MDGA2: variants seen among roughly 807,000 people sequenced by gnomAD.
The protein encoded by MDGA2 is MAM domain containing glycosylphosphatidylinositol anchor 2.
A neutral mutation model predicts 117.8 loss-of-function variants in MDGA2; 40 were observed. The observed-to-expected ratio is 0.34, with a 90% CI of 0.26 to 0.44. MDGA2 has a LOEUF of 0.44. Ranked by LOEUF, MDGA2 falls within the 20% of genes least tolerant of loss-of-function variation. The pLI, the probability that MDGA2 is intolerant of heterozygous loss-of-function variation, is 1.00. For synonymous variants in MDGA2, 452 were observed against 439.0 expected (o/e 1.03, Z -0.37); for missense variants, 1,123 against 1,250.6 (o/e 0.90, Z 1.54).
chr14:47,497,626 T>C (rs1040456216), intron 1 of MDGA2, among the ~76,000 whole-genome samples: 2 of 152,154 alleles, frequency 1.3e-5, no homozygotes, highest in African/African-American at 4.8e-5. Flanking sequence ...ATTGGTTTGG[T>C]GAGAGATCCT....
At chr14:47,540,563 T>TATATATATATACACAC (rs370481455) in intron 1 of MDGA2, among the ~76,000 whole-genome samples, 23 of 112,524 alleles carry the variant, frequency 2.0e-4, no homozygotes, top group East Asian at 1.8e-3. Flanking sequence ...TGTATATATA[T>TATATATATATACACAC]ACACACACAC....
chr14:47,338,060 C>A (rs531032376), intron 1 of MDGA2, among the ~76,000 whole-genome samples: 3 of 152,054 alleles, frequency 2.0e-5, no homozygotes, highest in Non-Finnish European at 4.4e-5. Flanking sequence ...CGATTTTGTT[C>A]TGAAAGTATC....
chr14:47,547,475 G>A (rs1175430228), intron 1 of MDGA2, among the ~76,000 whole-genome samples: 2 of 152,096 alleles, frequency 1.3e-5, no homozygotes, highest in Non-Finnish European at 2.9e-5. Context: ...GGTTTTATGT[G>A]TTTCCATCCA....
chr14:47,072,119 CA>C (rs1890313341), intron 6 of MDGA2, among the ~76,000 whole-genome samples: 2 of 112,298 alleles, frequency 1.8e-5, no homozygotes, highest in South Asian at 6.0e-4. Flanking sequence ...GGGGGGTTTG[CA>C]GGTATTATAT....
chr14:47,626,764 G>C (rs1897151615), intron 1 of MDGA2, among the ~76,000 whole-genome samples: 1 of 152,168 alleles, frequency 6.6e-6, no homozygotes, highest in South Asian at 2.1e-4. Context: ...GCAGGGCTCG[G>C]GACCTGCAGC....
intron 1 of MDGA2, among the ~76,000 whole-genome samples, chr14:47,307,770 C>T (rs1889503066): frequency 6.6e-6 from 1 of 151,934 alleles, no homozygotes; most frequent in South Asian, 2.1e-4. Flanking sequence ...ATGGTGAGTT[C>T]ACCAATAGTT....
intron 1 of MDGA2, among the ~76,000 whole-genome samples, chr14:47,361,598 A>G (rs926896167): frequency 2.0e-5 from 3 of 152,000 alleles, no homozygotes; most frequent in African/African-American, 7.3e-5. Flanking sequence ...CTTCTCCCCT[A>G]TGCCTTCAGA....
chr14:46,904,189 A>G (rs1324726479), intron 10 of MDGA2, among the ~76,000 whole-genome samples: 1 of 151,710 alleles, frequency 6.6e-6, no homozygotes, highest in Non-Finnish European at 1.5e-5. Context: ...CATGGTGAAA[A>G]CCCATCTCTA....
chr14:47,210,209 A>G (rs1353967822), intron 3 of MDGA2, among the ~76,000 whole-genome samples: 1 of 152,192 alleles, frequency 6.6e-6, no homozygotes, highest in Non-Finnish European at 1.5e-5. Flanking sequence ...TTCTGAACAT[A>G]ATGAAATGCA....
intron 1 of MDGA2, among the ~76,000 whole-genome samples, chr14:47,328,597 G>A (rs1469003764): frequency 2.0e-5 from 3 of 152,110 alleles, no homozygotes; most frequent in African/African-American, 4.8e-5. Flanking sequence ...GTGTGAATTC[G>A]TAAGTCTGTC....
chr14:46,956,865 GT>G (rs1163844581), intron 9 of MDGA2, among the ~76,000 whole-genome samples: 1 of 152,100 alleles, frequency 6.6e-6, no homozygotes, highest in Non-Finnish European at 1.5e-5. Flanking sequence ...TCTCGTGATG[GT>G]GAGTCAGTTC....
At chr14:47,668,770 C>T (rs933101528) in intron 1 of MDGA2, among the ~76,000 whole-genome samples, 2 of 152,186 alleles carry the variant, frequency 1.3e-5, no homozygotes, top group Non-Finnish European at 2.9e-5. Flanking sequence ...CAAAAGGGAG[C>T]CTAAGGAAGA....
At chr14:47,347,471 T>C (rs962234351) in intron 1 of MDGA2, among the ~76,000 whole-genome samples, 1 of 152,128 alleles carries the variant, frequency 6.6e-6, no homozygotes, top group African/African-American at 2.4e-5. Flanking sequence ...CATAAAGGAA[T>C]GGAAAGAATT....
chr14:47,457,942 G>C (rs1594867107), intron 1 of MDGA2, among the ~76,000 whole-genome samples: 1 of 150,884 alleles, frequency 6.6e-6, no homozygotes, highest in Middle Eastern at 3.4e-3. Context: ...GTGGTTAAGA[G>C]GATAGTGCTC....
At chr14:47,166,299 G>C (rs908566265) in intron 3 of MDGA2, among the ~76,000 whole-genome samples, 2 of 152,060 alleles carry the variant, frequency 1.3e-5, no homozygotes, top group African/African-American at 4.8e-5. Flanking sequence ...CTCCCAAAGT[G>C]CTGGGATTAC....
chr14:47,207,045 T>G (rs1199137004), intron 3 of MDGA2, among the ~76,000 whole-genome samples: 3 of 152,018 alleles, frequency 2.0e-5, no homozygotes, highest in African/African-American at 7.2e-5. Context: ...CCAGTGCCCT[T>G]GAGTAATTAA....
chr14:46,969,930 TTCCATATA>T lies in MDGA2; in HGVS notation c.1820-12295_1820-12288del, dbSNP rs1232468464. Reference sequence around the variant, plus strand: ...CACATGTACCTTAGAACTTAAAGTATTCCATATATATATATATATATATATATATATAT... The same window carrying T: ...CACATGTACCTTAGAACTTAAAGTATTATATATATATATATATATATATAT... On this transcript the variant is annotated intron_variant, in intron 8 of 16. Coordinates refer to ENST00000399232, the MANE Select transcript of MDGA2 (RefSeq NM_001113498.3). Among the ~76,000 whole-genome samples, 24 of 135,840 alleles carry T rather than the reference TTCCATATA, an allele frequency of 1.8e-4. 1 individual carries two copies. The highest frequency in any genetic ancestry group is 6.2e-4 in the Admixed American group (8 of 12,966). 89.1% of individuals were successfully genotyped at this position (135,840 alleles called of 152,430 possible).
At position 47,096,928 on chromosome 14, in the gene MDGA2, G is replaced by T. The variant is rs376912422; in HGVS notation, c.1121C>A (p.Ala374Asp). ...ATTGGCAATGCAGCTGTAAGTACCA[G>T]CATCATCTGAGGTGATGGCAGGTAT... is the stretch of plus-strand genomic sequence containing the variant. ...LTIPAITSDD[A>D]GTYSCIANNN... The change falls in exon 6 of 17, where the codon GCT (alanine) becomes GAT (aspartate). Residue 374 changes from alanine to aspartate, a missense_variant. Physicochemically the swap from Ala to Asp is moderately radical, Grantham distance 126 (BLOSUM62 -2). This residue lies in a region of MDGA2 where 890 missense variants were observed against 1,050.3 expected (regional missense o/e 0.85). Coordinates refer to ENST00000399232, the MANE Select transcript of MDGA2 (RefSeq NM_001113498.3). 9.9e-6 allele frequency: 16 copies of T among 1,613,290 alleles called. No individual in the cohort carries two copies. In the African/African-American group the frequency reaches 2.0e-4, roughly 20 times the overall value.
At chr14:47,424,456 C>A (rs1892644333) in intron 1 of MDGA2, among the ~76,000 whole-genome samples, 1 of 151,736 alleles carries the variant, frequency 6.6e-6, no homozygotes, top group Non-Finnish European at 1.5e-5. Flanking sequence ...AATTGAGGTT[C>A]AGAGTGACTG....
Sources: allele counts gnomAD v4.1 joint callset (sites outside exome capture counted in the v4.1 genomes callset), GRCh38; gene constraint gnomAD v4.1.1; regional missense constraint gnomAD v4.1.1; transcripts MANE v1.5; gene names NCBI Gene and HGNC (gene_info 2026-07-23, HGNC 2026-07-21).